The following TMEFF2 variants were observed in gnomAD, a reference collection of about 807,000 sequenced individuals.
TMEFF2 encodes the protein tomoregulin-2.
In TMEFF2, 28 loss-of-function variants were observed where a neutral mutation model predicts 53.8. The observed-to-expected ratio is 0.52, with a 90% confidence interval of 0.39 to 0.71. The LOEUF (loss-of-function observed/expected upper bound fraction) is 0.71. TMEFF2 is among the 30% of genes least tolerant of loss of function. The probability of loss-of-function intolerance (pLI) is 0.00; values close to 1 mark genes in which losing one functional copy is unlikely to be tolerated. For synonymous variants in TMEFF2, 162 were observed against 166.3 expected, an observed-to-expected ratio of 0.97 and a Z score of 0.20; for missense variants, 353 against 455.2, an observed-to-expected ratio of 0.78 and a Z score of 2.04.
At chr2:192,104,823 C>T (rs1689108341) in intron 4 of TMEFF2, among the ~76,000 whole-genome samples, 1 of 151,994 alleles carries the variant, frequency 6.6e-6, no homozygotes, top group African/African-American at 2.4e-5. Context: ...AAAATTCTTA[C>T]TCTAAATGAG....
At chr2:192,169,285 T>C (rs1296532333) in intron 4 of TMEFF2, among the ~76,000 whole-genome samples, 1 of 152,164 alleles carries the variant, frequency 6.6e-6, no homozygotes, top group African/African-American at 2.4e-5. Context: ...ATATGAATGA[T>C]GTTTAAGCAA....
intron 5 of TMEFF2, chr2:192,036,456 A>AG (rs1373072053): frequency 6.6e-6 from 1 of 152,248 alleles, no homozygotes; most frequent in African/African-American, 2.4e-5. Flanking sequence ...TGGAAAGAGA[A>AG]GGGGATGATG....
chr2:191,993,165 C>T lies in TMEFF2; in HGVS notation c.745+5097G>A, dbSNP rs146071593. 6.6e-5 allele frequency among the ~76,000 whole-genome samples: 10 copies of T among 152,160 alleles called. No individual in the cohort carries two copies. In the East Asian group the frequency reaches 1.9e-3, roughly 29 times the overall value. On this transcript the variant is annotated intron_variant, in intron 7 of 9. Transcript: ENST00000272771. ...AAATTGCAATGGCTTCTACAGAGAACAAGTTATTAGGACAACTCACTTAAA... is the reference window on the plus strand; with the variant it reads ...AAATTGCAATGGCTTCTACAGAGAATAAGTTATTAGGACAACTCACTTAAA...
intron 4 of TMEFF2, among the ~76,000 whole-genome samples, chr2:192,103,308 C>G (rs181316393): frequency 1.7e-4 from 26 of 152,238 alleles, no homozygotes; most frequent in African/African-American, 5.5e-4. Flanking sequence ...ACCAACTGAC[C>G]ACTCATAAGT....
At chr2:192,076,678 C>G (rs1365890682) in intron 4 of TMEFF2, among the ~76,000 whole-genome samples, 1 of 152,186 alleles carries the variant, frequency 6.6e-6, no homozygotes, top group Admixed American at 6.6e-5. Context: ...TGCCCACCCT[C>G]TACTAGCACC....
At chr2:192,062,461 A>G (rs1304025228) in intron 4 of TMEFF2, among the ~76,000 whole-genome samples, 1 of 152,152 alleles carries the variant, frequency 6.6e-6, no homozygotes, top group Non-Finnish European at 1.5e-5. Flanking sequence ...TTTATGAATA[A>G]AGCTGCTGTA....
intron 5 of TMEFF2, among the ~76,000 whole-genome samples, chr2:192,048,428 T>C (rs1451372444): frequency 6.6e-6 from 1 of 151,162 alleles, no homozygotes; most frequent in East Asian, 1.9e-4. Flanking sequence ...ACAATGGTTA[T>C]CTTAGAGAGG....
chr2:191,967,872 C>T (rs1219613558), intron 7 of TMEFF2, among the ~76,000 whole-genome samples: 1 of 152,150 alleles, frequency 6.6e-6, no homozygotes, highest in Non-Finnish European at 1.5e-5. Context: ...GGGAAGTCCT[C>T]AGGGGACCTC....
intron 5 of TMEFF2, among the ~76,000 whole-genome samples, chr2:192,049,871 AC>A (rs1322642965): frequency 2.0e-5 from 3 of 151,900 alleles, no homozygotes; most frequent in Non-Finnish European, 4.4e-5. Context: ...CGTGGTGGCG[AC>A]CGCCTGTAGT....
chr2:192,120,741 A>ATT (rs751471511), intron 4 of TMEFF2, among the ~76,000 whole-genome samples: 25 of 145,332 alleles, frequency 1.7e-4, no homozygotes, highest in African/African-American at 6.0e-4. Context: ...TTGAATAAAC[A>ATT]TTTTTTTTTT....
At chr2:192,170,978 C>G (rs1341910627) in intron 4 of TMEFF2, among the ~76,000 whole-genome samples, 2 of 151,984 alleles carry the variant, frequency 1.3e-5, no homozygotes, top group Non-Finnish European at 2.9e-5. Context: ...AAATCATATC[C>G]TATAATATGT....
At chr2:191,987,833 G>T (rs1322008261) in intron 7 of TMEFF2, among the ~76,000 whole-genome samples, 1 of 152,122 alleles carries the variant, frequency 6.6e-6, no homozygotes, top group East Asian at 1.9e-4. Flanking sequence ...GAATAGCCTT[G>T]TAGAGAATCC....
intron 4 of TMEFF2, among the ~76,000 whole-genome samples, chr2:192,078,132 A>C (rs1688475434): frequency 6.6e-6 from 1 of 152,174 alleles, no homozygotes; most frequent in Non-Finnish European, 1.5e-5. Context: ...GCATAATTAA[A>C]AATTGATGGG....
At chr2:192,192,839 G>C (rs1444533952) in intron 1 of TMEFF2, among the ~76,000 whole-genome samples, 2 of 152,150 alleles carry the variant, frequency 1.3e-5, no homozygotes, top group Admixed American at 1.3e-4. Flanking sequence ...TCTAAAAAGT[G>C]ATTAGGCAAT....
At chr2:192,071,412 C>T (rs76336238) in intron 4 of TMEFF2, among the ~76,000 whole-genome samples, 107 of 151,948 alleles carry the variant, frequency 7.0e-4, no homozygotes, top group African/African-American at 2.5e-3. Flanking sequence ...CTAAGTGGCA[C>T]GGATGCAATC....
At chr2:192,118,760 G>C (rs1265130226) in intron 4 of TMEFF2, among the ~76,000 whole-genome samples, 1 of 152,122 alleles carries the variant, frequency 6.6e-6, no homozygotes, top group Non-Finnish European at 1.5e-5. Flanking sequence ...AGCTAGACCT[G>C]AGCTGTCCAG....
At chr2:192,060,045 T>A (rs111633923) in intron 4 of TMEFF2, among the ~76,000 whole-genome samples, 3 of 141,984 alleles carry the variant, frequency 2.1e-5, no homozygotes, top group African/African-American at 9.2e-5. Flanking sequence ...TGGATCATAT[T>A]TTTTTTTTTT....
At chr2:191,986,750 CAGG>C (rs1203061640) in intron 7 of TMEFF2, among the ~76,000 whole-genome samples, 2 of 150,520 alleles carry the variant, frequency 1.3e-5, no homozygotes, top group Admixed American at 1.3e-4. Context: ...CCCAGCTACT[CAGG>C]AGGCTGAGGC....
intron 7 of TMEFF2, among the ~76,000 whole-genome samples, chr2:191,964,854 A>C (rs1692425364): frequency 1.3e-5 from 2 of 152,234 alleles, no homozygotes; most frequent in South Asian, 4.1e-4. Flanking sequence ...ACAATCTCTC[A>C]GTAATATTCA....
Sources: allele counts gnomAD v4.1 joint callset (sites outside exome capture counted in the v4.1 genomes callset), GRCh38; gene constraint gnomAD v4.1.1; transcripts MANE v1.5; gene names NCBI Gene and HGNC (gene_info 2026-07-23, HGNC 2026-07-21).